The following MCC variants were observed in gnomAD, a reference collection of about 807,000 sequenced individuals.
MCC encodes the protein MCC regulator of Wnt signaling pathway.
In MCC, 90 loss-of-function variants were observed where a neutral mutation model predicts 116.2. The observed-to-expected ratio is 0.77, with a 90% confidence interval of 0.65 to 0.92. The LOEUF (loss-of-function observed/expected upper bound fraction) is 0.92, where lower values mean the gene tolerates loss of function less well. Among genes scored for constraint, MCC ranks in the 40% least tolerant of loss-of-function variants. The pLI, the probability that MCC is intolerant of heterozygous loss-of-function variation, is 0.00. For synonymous variants in MCC, 578 were observed against 510.5 expected (o/e 1.13, Z -1.78); for missense variants, 1,516 against 1,312.2 (o/e 1.16, Z -2.40).
At position 113,087,141 on chromosome 5, in the gene MCC, C is replaced by G. The variant is rs577002790; in HGVS notation, c.1399-1831G>C. On this transcript the variant is annotated intron_variant, in intron 8 of 18. Transcript: ENST00000408903. The stretch of plus-strand genomic sequence containing the variant: ...CACATGGCCCCTTCTCTAAAAGGCA[C>G]TGGAAAGCTTTTCATATTAAATGTC... Among the ~76,000 whole-genome samples the G allele has an allele frequency of 3.3e-3, 508 of 152,326 alleles. 3 individuals are homozygous for G. The highest frequency in any genetic ancestry group is 0.012 in the African/African-American group (492 of 41,568).
intron 13 of MCC, among the ~76,000 whole-genome samples, chr5:113,066,078 T>C (rs1038722787): frequency 2.0e-5 from 3 of 152,256 alleles, no homozygotes; most frequent in Admixed American, 1.3e-4. Context: ...TACTGGCTCA[T>C]ATTATAAATG....
At chr5:113,252,700 T>G (rs769333890) in intron 3 of MCC, among the ~76,000 whole-genome samples, 2 of 152,078 alleles carry the variant, frequency 1.3e-5, no homozygotes, top group Non-Finnish European at 2.9e-5. Context: ...ATGGAAAAAT[T>G]GTCTTCCAGG....
At chr5:113,401,599 G>A (rs990384346) in intron 1 of MCC, among the ~76,000 whole-genome samples, 5 of 151,954 alleles carry the variant, frequency 3.3e-5, no homozygotes, top group African/African-American at 7.3e-5. Flanking sequence ...TCTGACCTCC[G>A]AACCTCCAGA....
intron 3 of MCC, among the ~76,000 whole-genome samples, chr5:113,268,111 T>C (rs1447779525): frequency 6.6e-6 from 1 of 152,144 alleles, no homozygotes; most frequent in Non-Finnish European, 1.5e-5. Context: ...TCTACAAACC[T>C]GGGTTACTGA....
chr5:113,282,386 G>A (rs1766081276), intron 3 of MCC, among the ~76,000 whole-genome samples: 1 of 152,168 alleles, frequency 6.6e-6, no homozygotes, highest in Non-Finnish European at 1.5e-5. Flanking sequence ...TTCTTCAGCA[G>A]TAATTACATG....
intron 2 of MCC, among the ~76,000 whole-genome samples, chr5:113,368,623 T>G (rs1272314427): frequency 3.1e-5 from 4 of 130,100 alleles, no homozygotes; most frequent in Admixed American, 2.9e-4. Context: ...AGAAAAAGTG[T>G]TTTTTTTTTT....
At chr5:113,270,022 G>C (rs975014198) in intron 3 of MCC, among the ~76,000 whole-genome samples, 3 of 152,210 alleles carry the variant, frequency 2.0e-5, no homozygotes, top group Non-Finnish European at 4.4e-5. Flanking sequence ...AAATGTTTCA[G>C]GGAAAGAGGT....
intron 3 of MCC, among the ~76,000 whole-genome samples, chr5:113,302,188 G>A (rs532637224): frequency 2.6e-5 from 4 of 152,256 alleles, no homozygotes; most frequent in Non-Finnish European, 5.9e-5. Context: ...ATTTCTGATG[G>A]AAGAAAACAT....
intron 11 of MCC, among the ~76,000 whole-genome samples, chr5:113,076,908 AC>A (rs1413857320): frequency 6.6e-6 from 1 of 152,194 alleles, no homozygotes; most frequent in South Asian, 2.1e-4. Flanking sequence ...TATTCAAGAA[AC>A]CCATCTCACG....
chr5:113,321,998 G>A (rs1767433165), intron 3 of MCC, among the ~76,000 whole-genome samples: 1 of 152,056 alleles, frequency 6.6e-6, no homozygotes, highest in Non-Finnish European at 1.5e-5. Context: ...TGCCTGGCTA[G>A]TTTTTCTATT....
chr5:113,435,503 T>C (rs1044403443), intron 1 of MCC: 1 of 152,148 alleles, frequency 6.6e-6, no homozygotes, highest in African/African-American at 2.4e-5. Flanking sequence ...TGGCAGGGGA[T>C]GGGAGGAAGT....
intron 1 of MCC, among the ~76,000 whole-genome samples, chr5:113,473,767 T>G (rs575957817): frequency 6.6e-6 from 1 of 152,162 alleles, no homozygotes; most frequent in Non-Finnish European, 1.5e-5. Context: ...AAAGAGAAAC[T>G]ATGGATTTAT....
intron 3 of MCC, among the ~76,000 whole-genome samples, chr5:113,220,993 A>AG (rs1289210444): frequency 6.6e-6 from 1 of 152,214 alleles, no homozygotes; most frequent in Non-Finnish European, 1.5e-5. Context: ...GCTTGAGCCC[A>AG]GGAGTTCAAG....
rs1242620884 is a variant in MCC at position 113,022,488 on chromosome 5, C to T, written c.*4814G>A. The T allele has an allele frequency of 6.6e-6, 1 of 152,544 alleles. No homozygotes were observed. The allele number at this position is 152,544 out of a possible 1,614,324, so 9.4% of individuals were successfully genotyped here. A position where few individuals can be genotyped will look rare whatever the true frequency, so the allele number is the denominator to read the frequency against. On this transcript the variant is annotated 3_prime_UTR_variant, in exon 19 of 19. Coordinates refer to ENST00000408903, the MANE Select transcript of MCC (RefSeq NM_001085377.2). ...CAAATCTCATGCAAAGTAAATAAATCTTGATGTCTAAAAACTGATTAGAAC... is the reference window on the plus strand; with the variant it reads ...CAAATCTCATGCAAAGTAAATAAATTTTGATGTCTAAAAACTGATTAGAAC...
At chr5:113,307,931 T>A (rs943218767) in intron 3 of MCC, among the ~76,000 whole-genome samples, 1 of 152,108 alleles carries the variant, frequency 6.6e-6, no homozygotes. Context: ...CCTGTTGCTC[T>A]TTCTCCTGCG....
At chr5:113,204,700 G>A (rs1465658329) in intron 3 of MCC, 3 of 152,208 alleles carry the variant, frequency 2.0e-5, no homozygotes, top group East Asian at 1.9e-4. Context: ...TTGTGCAAGC[G>A]AAGAGCCATT....
At chr5:113,225,708 C>T (rs2150331529) in intron 3 of MCC, among the ~76,000 whole-genome samples, 1 of 152,336 alleles carries the variant, frequency 6.6e-6, no homozygotes, top group African/African-American at 2.4e-5. Context: ...GGTTCACTGA[C>T]ATGTGCTGTA....
intron 1 of MCC, chr5:113,436,798 G>A (rs978842860): frequency 6.6e-6 from 1 of 152,146 alleles, no homozygotes; most frequent in East Asian, 1.9e-4. Flanking sequence ...TTACCCCAGA[G>A]ACAGTCCCTT....
At chr5:113,105,951 A>G (rs1756704721) in intron 6 of MCC, among the ~76,000 whole-genome samples, 1 of 152,210 alleles carries the variant, frequency 6.6e-6, no homozygotes. Context: ...GAGCTTTTAT[A>G]AACTACGGAT....
Sources: allele counts gnomAD v4.1 joint callset (sites outside exome capture counted in the v4.1 genomes callset), GRCh38; gene constraint gnomAD v4.1.1; transcripts MANE v1.5; gene names NCBI Gene and HGNC (gene_info 2026-07-23, HGNC 2026-07-21).